Variants in UBASH3A observed in about 807,000 individuals in gnomAD.
The protein encoded by UBASH3A is ubiquitin associated and SH3 domain containing A.
A neutral mutation model predicts 73.5 loss-of-function variants in UBASH3A; 63 were observed. The ratio of observed to expected loss-of-function variants is 0.86; its 90% CI spans 0.70 to 1.06. The LOEUF (loss-of-function observed/expected upper bound fraction) is 1.06. Ranked by LOEUF, UBASH3A falls within the 50% of genes least tolerant of loss-of-function variation. The probability of loss-of-function intolerance (pLI) is 0.00; values close to 1 mark genes in which losing one functional copy is unlikely to be tolerated. For missense variants in UBASH3A, 860 were observed against 859.0 expected, an observed-to-expected ratio of 1.00 and a Z score of -0.02; for synonymous variants, 363 against 351.1, an observed-to-expected ratio of 1.03 and a Z score of -0.38.
rs761662053 is a variant in UBASH3A at position 42,413,244 on chromosome 21, C to A, written c.553+22C>A. 6.2e-7 allele frequency: 1 copy of A among 1,612,968 alleles called. No individual in the cohort carries two copies. Among genetic ancestry groups the A allele is most frequent in the East Asian group, 2.2e-5 (1 of 44,876 alleles). ...GCAGGTGGGCAGCCCTGGCCAGTTG[C>A]AAACACAGGGCTGGATTCACAGTGA... On this transcript the variant is annotated intron_variant, in intron 4 of 14. Transcript: ENST00000319294. The surrounding 1 kb of genome is among the most constrained non-coding windows in gnomAD (Gnocchi z 4.5).
intron 10 of UBASH3A, among the ~76,000 whole-genome samples, chr21:42,437,176 C>A (rs1263848353): frequency 6.6e-6 from 1 of 152,246 alleles, no homozygotes; most frequent in East Asian, 1.9e-4. Context: ...GAATCCTTCT[C>A]ACTTCACACT....
intron 1 of UBASH3A, among the ~76,000 whole-genome samples, chr21:42,405,753 C>T (rs1158238781): frequency 5.3e-5 from 8 of 152,180 alleles, no homozygotes; most frequent in Admixed American, 5.2e-4. Context: ...ATGAATAAGA[C>T]TCAGTCCTGT....
At chr21:42,437,386 G>A (rs2053644111) in intron 10 of UBASH3A, 102 bp from the exon 11 acceptor site, 1 of 1,015,938 alleles carries the variant, frequency 9.8e-7, no homozygotes, top group Non-Finnish European at 1.5e-6. Flanking sequence ...GAAACCCGGG[G>A]CCCTTTGAGG....
chr21:42,413,296 CCCCGGCACATGGATGCAGT>C lies in UBASH3A; in HGVS notation c.553+75_553+93del. The C allele has an allele frequency of 3.2e-6, 5 of 1,578,372 alleles. No homozygotes were observed. The highest frequency in any genetic ancestry group is 3.5e-6 in the Non-Finnish European group (4 of 1,150,708). On this transcript the variant is annotated intron_variant, in intron 4 of 14. Transcript: ENST00000319294. The surrounding 1 kb of genome is among the most constrained non-coding windows in gnomAD (Gnocchi z 4.5). The stretch of plus-strand genomic sequence containing the variant: ...TGAGCCCTCTGTGGCAGGGACTAGC[CCCCGGCACATGGATGCAGT>C]GGGTGGGTTCCAGGGGAGCAGAGCC...
intron 13 of UBASH3A, 97 bp from the exon 14 acceptor site, chr21:42,444,437 T>G: frequency 3.0e-4 from 275 of 903,660 alleles, no homozygotes; most frequent in Non-Finnish European, 4.2e-4. Context: ...CGGGGCACTC[T>G]GAGATAGCTC....
rs780936098 is a variant in UBASH3A, at chr21:42,447,202, G to A, written c.*8G>A. ...TGGATCTCAGGCAACTGAGAGCCAC[G>A]GTGATGTTGTCATAACCTCAGAGTG... On this transcript the variant is annotated 3_prime_UTR_variant, in exon 15 of 15. Coordinates refer to ENST00000319294, the MANE Select transcript of UBASH3A (RefSeq NM_018961.4). 1.2e-5 allele frequency: 19 copies of A among 1,612,886 alleles called. No individual in the cohort carries two copies. The highest frequency in any genetic ancestry group is 4.4e-5 in the South Asian group (4 of 90,928).
At chr21:42,424,999 G>A (rs1194828755) in intron 7 of UBASH3A, among the ~76,000 whole-genome samples, 1 of 152,204 alleles carries the variant, frequency 6.6e-6, no homozygotes, top group Admixed American at 6.5e-5. Context: ...CTTGACCTCA[G>A]ACTCGCAGCC....
At chr21:42,417,862 T>C (rs373811795) in intron 6 of UBASH3A, among the ~76,000 whole-genome samples, 38 of 146,108 alleles carry the variant, frequency 2.6e-4, no homozygotes, top group African/African-American at 8.8e-4. Context: ...TGTATCTCTT[T>C]TTTTTTTCTT....
chr21:42,428,676 T>C (rs951802466), intron 8 of UBASH3A, among the ~76,000 whole-genome samples: 1 of 151,766 alleles, frequency 6.6e-6, no homozygotes, highest in Non-Finnish European at 1.5e-5. Flanking sequence ...TTTGACCCAA[T>C]ACCTGGGTAC....
intron 8 of UBASH3A, among the ~76,000 whole-genome samples, chr21:42,430,111 G>T (rs1017775928): frequency 1.3e-5 from 2 of 152,124 alleles, no homozygotes; most frequent in African/African-American, 4.8e-5. Context: ...GGTGAAATTG[G>T]CCCCCACCCT....
chr21:42,436,987 G>T (rs2053636726), intron 10 of UBASH3A, among the ~76,000 whole-genome samples: 1 of 152,240 alleles, frequency 6.6e-6, no homozygotes, highest in Non-Finnish European at 1.5e-5. Flanking sequence ...GGGAGCTCAA[G>T]TCTCCTTCCA....
At chr21:42,410,655 T>A in intron 3 of UBASH3A, 1 of 161,438 alleles carries the variant, frequency 6.2e-6, no homozygotes, top group Non-Finnish European at 1.3e-5. Context: ...ACAAGCTGAC[T>A]CCCTTCTGGT....
chr21:42,412,946 C>T, intron 3 of UBASH3A, 78 bp from the exon 4 acceptor site: 1 of 1,210,700 alleles, frequency 8.3e-7, no homozygotes. Flanking sequence ...TAATTGCTGC[C>T]TGATTGTTAT....
intron 7 of UBASH3A, among the ~76,000 whole-genome samples, chr21:42,421,954 C>G (rs888384192): frequency 1.3e-5 from 2 of 152,136 alleles, no homozygotes; most frequent in African/African-American, 2.4e-5. Flanking sequence ...GAAGTATTGT[C>G]TGAAATATTT....
chr21:42,416,761 G>A (rs2053220694), intron 6 of UBASH3A, 150 bp downstream of exon 6: 6 of 805,358 alleles, frequency 7.5e-6, no homozygotes, highest in African/African-American at 1.8e-5. Context: ...GTGAAACCTC[G>A]TCTCTACTAA....
At chr21:42,412,078 G>C (rs1258147409) in intron 3 of UBASH3A, among the ~76,000 whole-genome samples, 2 of 152,230 alleles carry the variant, frequency 1.3e-5, no homozygotes, top group Non-Finnish European at 2.9e-5. Flanking sequence ...CCCGCCAGGA[G>C]GGTGTGGTGT....
rs867228085 is a variant in UBASH3A at position 42,404,129 on chromosome 21, A to G, written c.113+71A>G. On this transcript the variant is annotated intron_variant, in intron 1 of 14. Transcript: ENST00000319294. ...GCCAGACCCTGCTGCGGCCCCCGGC[A>G]TGGAGCTGCAGGGGTGTAGGGTACG... The G allele has an allele frequency of 2.8e-5, 25 of 882,402 alleles. No homozygotes were observed. The Middle Eastern group carries it at 2.3e-3, about 80-fold the overall frequency. The allele number at this position is 882,402 out of a possible 1,614,324, so 54.7% of individuals were successfully genotyped here. A position where few individuals can be genotyped will look rare whatever the true frequency, so the allele number is the denominator to read the frequency against.
At chr21:42,411,096 TACAC>T (rs1314834248) in intron 3 of UBASH3A, among the ~76,000 whole-genome samples, 1 of 125,324 alleles carries the variant, frequency 8.0e-6, no homozygotes, top group East Asian at 2.4e-4. Flanking sequence ...GAGACACAGA[TACAC>T]ACAGACACAC....
intron 8 of UBASH3A, among the ~76,000 whole-genome samples, chr21:42,429,083 C>T (rs1208250531): frequency 6.6e-6 from 1 of 152,216 alleles, no homozygotes; most frequent in Non-Finnish European, 1.5e-5. Context: ...GGATCTGATA[C>T]AGCAGCAGAG....
Sources: allele counts gnomAD v4.1 joint callset (sites outside exome capture counted in the v4.1 genomes callset), GRCh38; gene constraint gnomAD v4.1.1; non-coding constraint Gnocchi (gnomAD v3.1); transcripts MANE v1.5; gene names NCBI Gene and HGNC (gene_info 2026-07-23, HGNC 2026-07-21).